The following RBFOX1 variants were observed in gnomAD, a reference collection of about 807,000 sequenced individuals.
RBFOX1 encodes RNA binding fox-1 homolog 1.
In RBFOX1, 8 loss-of-function variants were observed where a neutral mutation model predicts 57.7. The ratio of observed to expected loss-of-function variants is 0.14; its 90% CI spans 0.08 to 0.25. The LOEUF (loss-of-function observed/expected upper bound fraction) is 0.25, where lower values mean the gene tolerates loss of function less well. RBFOX1 is among the 10% of genes least tolerant of loss of function. The pLI is 1.00. For missense variants in RBFOX1, 611 were observed against 548.5 expected (o/e 1.11, Z -1.14); for synonymous variants, 326 against 222.4 (o/e 1.47, Z -4.15).
intron 2 of RBFOX1, among the ~76,000 whole-genome samples, chr16:6,410,358 AG>A (rs1238082417): frequency 8.5e-6 from 1 of 118,144 alleles, no homozygotes; most frequent in Non-Finnish European, 1.6e-5. Context: ...CCCAGGCTGG[AG>A]GGAGGGCAGT....
intron 4 of RBFOX1, among the ~76,000 whole-genome samples, chr16:7,424,263 T>C (rs896006835): frequency 2.1e-5 from 3 of 141,120 alleles, no homozygotes; most frequent in Non-Finnish European, 3.2e-5. Context: ...AATATATATA[T>C]ATACATATAT....
chr16:6,859,160 TATAC>T lies in RBFOX1; in HGVS notation c.-15-192896_-15-192893del, dbSNP rs1332091943. Among the ~76,000 whole-genome samples the T allele has an allele frequency of 1.6e-4, 16 of 100,248 alleles. 1 individual carries two copies. Among genetic ancestry groups the T allele is most frequent in the African/African-American group, 7.8e-4 (15 of 19,328 alleles). The allele number at this position is 100,248 out of a possible 152,430, so 65.8% of individuals were successfully genotyped here. On this transcript the variant is annotated intron_variant, in intron 3 of 15. Transcript: ENST00000550418. ...ATATACGTATATATATATGTATATA[TATAC>T]GTATATATATGTATATATATGTATA...
At chr16:7,389,229 T>C (rs1159761445) in intron 4 of RBFOX1, among the ~76,000 whole-genome samples, 3 of 152,140 alleles carry the variant, frequency 2.0e-5, no homozygotes, top group Non-Finnish European at 4.4e-5. Context: ...CAGGCTTAGA[T>C]GATCCTGTAC....
At chr16:7,651,031 A>G (rs1005507036) in intron 11 of RBFOX1, among the ~76,000 whole-genome samples, 1 of 152,168 alleles carries the variant, frequency 6.6e-6, no homozygotes, top group African/African-American at 2.4e-5. Flanking sequence ...TGGCAAAAAA[A>G]GTTAAATAAA....
chr16:6,104,122 T>C (rs925202938), intron 1 of RBFOX1, among the ~76,000 whole-genome samples: 7 of 146,232 alleles, frequency 4.8e-5, no homozygotes, highest in Non-Finnish European at 1.1e-4. Flanking sequence ...CATAGGTTTC[T>C]CCCAGTTGAA....
intron 4 of RBFOX1, among the ~76,000 whole-genome samples, chr16:7,108,275 C>T (rs1251858963): frequency 6.6e-6 from 1 of 152,132 alleles, no homozygotes; most frequent in Non-Finnish European, 1.5e-5. Flanking sequence ...ATTCAGGGAG[C>T]TCAACATATA....
intron 2 of RBFOX1, among the ~76,000 whole-genome samples, chr16:5,479,307 G>C (rs1371976323): frequency 6.6e-6 from 1 of 152,118 alleles, no homozygotes; most frequent in Non-Finnish European, 1.5e-5. Flanking sequence ...TCTGTCCCTA[G>C]AACAAGGACT....
In RBFOX1 at chr16:5,889,166, G is replaced by A. The variant is rs28581924; in HGVS notation, c.351+21831G>A. On this transcript the variant is annotated intron_variant, in intron 4 of 19. Transcript: ENST00000641259. The stretch of plus-strand genomic sequence containing the variant: ...TTGTAAATGTGTGCCATGGTGGTTT[G>A]CTGCACAGATCAACTCATCACCTAG... Among the ~76,000 whole-genome samples the A allele has an allele frequency of 8.0e-3, 1,225 of 152,264 alleles. 15 individuals are homozygous for A. Among genetic ancestry groups the A allele is most frequent in the African/African-American group, 0.028 (1,181 of 41,544 alleles).
chr16:6,083,747 G>C (rs903336214), intron 1 of RBFOX1, among the ~76,000 whole-genome samples: 1 of 152,128 alleles, frequency 6.6e-6, no homozygotes, highest in African/African-American at 2.4e-5. Context: ...AAAGTGCTGA[G>C]ATTATAAGTG....
intron 2 of RBFOX1, among the ~76,000 whole-genome samples, chr16:6,505,712 T>C (rs963950195): frequency 6.6e-6 from 1 of 152,202 alleles, no homozygotes; most frequent in Non-Finnish European, 1.5e-5. Flanking sequence ...TAGTACTCTT[T>C]GGTACAGACT....
chr16:5,999,376 G>T (rs778421235), intron 4 of RBFOX1, among the ~76,000 whole-genome samples: 1 of 152,152 alleles, frequency 6.6e-6, no homozygotes, highest in South Asian at 2.1e-4. Context: ...TCTTCAGACC[G>T]GGTCAAACTC....
intron 2 of RBFOX1, among the ~76,000 whole-genome samples, chr16:6,549,698 G>A (rs1229598863): frequency 6.6e-6 from 1 of 152,076 alleles, no homozygotes; most frequent in African/African-American, 2.4e-5. Flanking sequence ...GGAGTCTTCT[G>A]AGTGGCTGGT....
At chr16:6,895,448 G>GTGTGTGTGTGTATATA (rs869028735) in intron 3 of RBFOX1, among the ~76,000 whole-genome samples, 3 of 54,620 alleles carry the variant, frequency 5.5e-5, no homozygotes, top group African/African-American at 2.6e-4. Flanking sequence ...GTGTGTGTGT[G>GTGTGTGTGTGTATATA]TATATATATA....
intron 3 of RBFOX1, among the ~76,000 whole-genome samples, chr16:6,963,988 G>A (rs2083554118): frequency 1.3e-5 from 2 of 151,614 alleles, no homozygotes; most frequent in African/African-American, 2.4e-5. Context: ...GTGAGCCACT[G>A]CGCCCAGCCC....
chr16:7,500,096 G>A (rs1532922), intron 4 of RBFOX1, among the ~76,000 whole-genome samples: 4,394 of 152,122 alleles, frequency 0.029, 227 homozygotes, highest in African/African-American at 0.1. Context: ...TCAGGCAGAC[G>A]TCCTTAAAAG....
intron 1 of RBFOX1, among the ~76,000 whole-genome samples, chr16:6,169,489 C>T (rs2096942417): frequency 6.6e-6 from 1 of 151,970 alleles, no homozygotes. Context: ...GTTAATTGAA[C>T]AATGAACGAT....
In RBFOX1 at chr16:6,997,833, C is replaced by G. The variant is rs138382276; in HGVS notation, c.-15-54224C>G. Among the ~76,000 whole-genome samples, 58 of 152,200 alleles carry G rather than the reference C, an allele frequency of 3.8e-4. No individual in the cohort carries two copies. In the Middle Eastern group the frequency reaches 0.01, roughly 27 times the overall value. On this transcript the variant is annotated intron_variant, in intron 3 of 15. Coordinates refer to ENST00000550418, the MANE Select transcript of RBFOX1 (RefSeq NM_018723.4). ...TGCTCTGTTAGTGCAAATAATTTGT[C>G]TTCTAGTAATAGCAGGAAACAGTTA...
chr16:5,580,676 G>T (rs150008787), intron 2 of RBFOX1, among the ~76,000 whole-genome samples: 2 of 152,134 alleles, frequency 1.3e-5, no homozygotes, highest in Admixed American at 1.3e-4. Context: ...GGATGCAAAC[G>T]TTACCTTTCA....
chr16:5,558,585 C>T (rs2045769748), intron 2 of RBFOX1, among the ~76,000 whole-genome samples: 1 of 152,082 alleles, frequency 6.6e-6, no homozygotes, highest in Admixed American at 6.5e-5. Flanking sequence ...CTGAATTGGT[C>T]CCTTTCCTTT....
Sources: allele counts gnomAD v4.1 joint callset (sites outside exome capture counted in the v4.1 genomes callset), GRCh38; gene constraint gnomAD v4.1.1; transcripts MANE v1.5; gene names NCBI Gene and HGNC (gene_info 2026-07-23, HGNC 2026-07-21).